Variants in ATP13A3 observed in about 807,000 individuals in gnomAD.
The protein encoded by ATP13A3 is ATPase 13A3, also known as polyamine-transporting ATPase 13A3.
A neutral mutation model predicts 158.1 loss-of-function variants in ATP13A3; 59 were observed. The observed-to-expected ratio is 0.37, with a 90% CI of 0.30 to 0.46. The LOEUF is 0.46. Ranked by LOEUF, ATP13A3 falls within the 20% of genes least tolerant of loss-of-function variation. ATP13A3 has a pLI of 1.00. For synonymous variants in ATP13A3, 491 were observed against 504.3 expected (o/e 0.97, Z 0.35); for missense variants, 1,166 against 1,525.2 (o/e 0.76, Z 3.92).
In ATP13A3 at chr3:194,431,246, G is replaced by T; in HGVS notation, c.2422-20C>A. Reference sequence around the variant, plus strand: ...AATAGCCTGTGTATATGAGACATTGGGAACAATATTTAGGCAACCAAACCA... The same window carrying T: ...AATAGCCTGTGTATATGAGACATTGTGAACAATATTTAGGCAACCAAACCA... On this transcript the variant is annotated intron_variant, in intron 22 of 33. Coordinates refer to ENST00000645319, the MANE Select transcript of ATP13A3 (RefSeq NM_001367549.1). 6.4e-7 allele frequency: 1 copy of T among 1,567,226 alleles called. No individual in the cohort carries two copies. The highest frequency in any genetic ancestry group is 8.7e-7 in the Non-Finnish European group (1 of 1,149,848).
At position 194,440,192 on chromosome 3, in the gene ATP13A3, C is replaced by T. The variant is rs999964664; in HGVS notation, c.1710+1119G>A. 2.0e-5 allele frequency among the ~76,000 whole-genome samples: 3 copies of T among 152,146 alleles called. No homozygotes were observed. In the South Asian group the frequency reaches 6.2e-4, roughly 31 times the overall value. On this transcript the variant is annotated intron_variant, in intron 16 of 33. Transcript: ENST00000645319. ...GCAAACTGAAACCTATGGATGGATA[C>T]AAACGGGAACGAAACAGTAGCCCAG... is the stretch of plus-strand genomic sequence containing the variant.
intron 32 of ATP13A3, 145 bp downstream of exon 32, chr3:194,413,614 A>G (rs982846735): frequency 9.4e-6 from 7 of 747,014 alleles, no homozygotes; most frequent in African/African-American, 8.7e-5. Flanking sequence ...AAAGTTCACA[A>G]GAGAAGGCTA....
At chr3:194,479,158 C>A (rs1720652018) in intron 2 of ATP13A3, among the ~76,000 whole-genome samples, 1 of 152,164 alleles carries the variant, frequency 6.6e-6, no homozygotes, top group Non-Finnish European at 1.5e-5. Context: ...TTATTCTATT[C>A]TCTTCATCAA....
intron 2 of ATP13A3, among the ~76,000 whole-genome samples, chr3:194,481,072 T>G (rs2109061118): frequency 6.6e-6 from 1 of 152,330 alleles, no homozygotes; most frequent in East Asian, 1.9e-4. Flanking sequence ...CACAGGATTT[T>G]TATCTGAGAA....
rs942600978 is a variant in ATP13A3 at position 194,419,820 on chromosome 3, A to C, written c.3402+59T>G. 2.0e-6 allele frequency: 3 copies of C among 1,520,216 alleles called. No individual in the cohort carries two copies. In the Admixed American group the frequency reaches 7.9e-5, roughly 40 times the overall value. The allele number at this position is 1,520,216 out of a possible 1,614,324, so 94.2% of individuals were successfully genotyped here. A position where few individuals can be genotyped will look rare whatever the true frequency, so the allele number is the denominator to read the frequency against. On this transcript the variant is annotated intron_variant, in intron 31 of 33. Coordinates refer to ENST00000645319, the MANE Select transcript of ATP13A3 (RefSeq NM_001367549.1). ...ACACAAAAAGAAGAGATCCTGGAAA[A>C]AAAGAAATGTATACAGGTTAGTCTT...
rs1028697317 is a variant in ATP13A3, at chr3:194,441,435, C to A, written c.1586G>T (p.Cys529Phe). The change falls in exon 16 of 34, where the codon TGC becomes TTC. Residue 529 changes from cysteine to phenylalanine, a missense_variant. By Grantham distance (205) the Cys-to-Phe change is radical. This residue lies in a region of ATP13A3 where 997 missense variants were observed against 1,341.2 expected (regional missense o/e 0.74). Transcript: ENST00000645319. Reference protein sequence around the residue: ...ARFLSPEENVCNEMLVKSQFV... With the variant: ...ARFLSPEENVFNEMLVKSQFV... Reference sequence around the variant, plus strand: ...CTGGGATTTTACCAACATCTCATTGCACACATTTTCTTCTGGTGAAAGAAA... The same window carrying A: ...CTGGGATTTTACCAACATCTCATTGAACACATTTTCTTCTGGTGAAAGAAA... 1.4e-5 allele frequency: 23 copies of A among 1,613,322 alleles called. No homozygotes were observed. The highest frequency in any genetic ancestry group is 1.9e-5 in the Non-Finnish European group (23 of 1,179,532).
intron 2 of ATP13A3, among the ~76,000 whole-genome samples, chr3:194,470,778 A>G (rs1363691717): frequency 2.0e-5 from 3 of 152,206 alleles, no homozygotes; most frequent in African/African-American, 7.2e-5. Flanking sequence ...TAAGAATTTT[A>G]AGACTCTTAT....
At chr3:194,408,472 GAGTTA>G (rs1321922376) in intron 33 of ATP13A3, among the ~76,000 whole-genome samples, 1 of 152,192 alleles carries the variant, frequency 6.6e-6, no homozygotes, top group African/African-American at 2.4e-5. Context: ...GTAGCAAGCT[GAGTTA>G]AGGAAAGCCA....
At chr3:194,463,596 T>C (rs1198515642) in intron 2 of ATP13A3, among the ~76,000 whole-genome samples, 4 of 152,186 alleles carry the variant, frequency 2.6e-5, no homozygotes, top group African/African-American at 7.2e-5. Context: ...GAGGCTGATC[T>C]CACAGTAGGA....
At chr3:194,430,819 G>A in intron 24 of ATP13A3, 124 bp downstream of exon 24, 6 of 684,436 alleles carry the variant, frequency 8.8e-6, no homozygotes, top group Non-Finnish European at 1.3e-5. Context: ...CTATCTTATA[G>A]ATCACAATTA....
Position 194,441,311 on chromosome 3 carries a change from CCA to C in ATP13A3, c.1708_1709del (p.Trp570AspfsTer7). The C allele has an allele frequency of 6.3e-7, 1 of 1,599,180 alleles. No homozygotes were observed. Among genetic ancestry groups the C allele is most frequent in the Non-Finnish European group, 8.5e-7 (1 of 1,172,264 alleles). Reference sequence around the variant, plus strand: ...TTGTATTTTAAAATATTTGACTTACCCATCCAATAGCCTCAAACATTTTCAGA... The same window carrying C: ...TTGTATTTTAAAATATTTGACTTACCTCCAATAGCCTCAAACATTTTCAGA... The part of the protein sequence containing the change: ...LDLKMFEAIG[W>X]ILEEATEEET... On this transcript the variant is annotated frameshift_variant and splice_region_variant, in exon 16 of 34. Transcript: ENST00000645319. LOFTEE classifies it high-confidence loss of function.
At chr3:194,466,927 A>G (rs1720024694) in intron 2 of ATP13A3, among the ~76,000 whole-genome samples, 1 of 152,248 alleles carries the variant, frequency 6.6e-6, no homozygotes, top group South Asian at 2.1e-4. Context: ...AGGGCCACGA[A>G]TATTAAGGAC....
chr3:194,476,107 C>G (rs1720512070), intron 2 of ATP13A3, among the ~76,000 whole-genome samples: 2 of 152,186 alleles, frequency 1.3e-5, no homozygotes, highest in African/African-American at 4.8e-5. Flanking sequence ...AGATAGCCCA[C>G]AAATGCCCAT....
At chr3:194,445,463 T>C (rs1718337464) in intron 14 of ATP13A3, among the ~76,000 whole-genome samples, 1 of 152,154 alleles carries the variant, frequency 6.6e-6, no homozygotes, top group Non-Finnish European at 1.5e-5. Flanking sequence ...ATGAGTGAAA[T>C]AATGTCTGAT....
At chr3:194,458,939 A>T (rs562179239) in intron 6 of ATP13A3, 1 of 152,416 alleles carries the variant, frequency 6.6e-6, no homozygotes, top group Admixed American at 6.5e-5. Flanking sequence ...GATATTAATG[A>T]GTATTTATAA....
chr3:194,431,299 T>A, intron 22 of ATP13A3, 73 bp from the exon 23 acceptor site: 5 of 1,464,510 alleles, frequency 3.4e-6, no homozygotes, highest in Non-Finnish European at 4.6e-6. Context: ...TTAAACATAT[T>A]TGTTCTAAAA....
At chr3:194,467,918 G>A (rs1206748234) in intron 2 of ATP13A3, 1 of 151,996 alleles carries the variant, frequency 6.6e-6, no homozygotes, top group Non-Finnish European at 1.5e-5. Flanking sequence ...TGGAGCACAC[G>A]TTTTTTAACC....
intron 2 of ATP13A3, among the ~76,000 whole-genome samples, chr3:194,471,337 A>G (rs1357965525): frequency 6.6e-6 from 1 of 151,228 alleles, no homozygotes; most frequent in Non-Finnish European, 1.5e-5. Context: ...AAAAAAAAAA[A>G]AAAAAAAAAA....
intron 2 of ATP13A3, among the ~76,000 whole-genome samples, chr3:194,464,682 G>A (rs1349372475): frequency 6.6e-6 from 1 of 152,204 alleles, no homozygotes; most frequent in African/African-American, 2.4e-5. Context: ...ATACTAGTCT[G>A]AGGTTCTTAA....
Sources: gnomAD v4.1 joint callset for allele counts (sites outside exome capture counted in the v4.1 genomes callset) on GRCh38, gnomAD v4.1.1 for gene constraint, gnomAD v4.1.1 regional missense constraint, MANE v1.5 for transcripts, NCBI Gene and HGNC (gene_info 2026-07-23, HGNC 2026-07-21) for gene names.